TNRC6A: variants seen among roughly 807,000 people sequenced by gnomAD.
TNRC6A encodes the protein trinucleotide repeat-containing gene 6A protein.
Under a neutral mutation model 221.2 loss-of-function variants are expected in TNRC6A, and 44 were observed. That is an observed-to-expected ratio of 0.20 (90% CI 0.16 to 0.26). The LOEUF is 0.26. Among genes scored for constraint, TNRC6A ranks in the 10% least tolerant of loss-of-function variants. The probability of loss-of-function intolerance (pLI) is 1.00; values close to 1 mark genes in which losing one functional copy is unlikely to be tolerated. For missense variants in TNRC6A, 2,199 were observed against 2,404.4 expected (o/e 0.91, Z 1.79); for synonymous variants, 847 against 838.5 (o/e 1.01, Z -0.18).
At chr16:24,676,128 C>A (rs1017609990) in intron 2 of TNRC6A, among the ~76,000 whole-genome samples, 2 of 151,864 alleles carry the variant, frequency 1.3e-5, no homozygotes, top group African/African-American at 4.8e-5. Context: ...TAAAAAGAAT[C>A]AAAAATGATT....
At chr16:24,720,862 C>T (rs1457425215) in intron 2 of TNRC6A, among the ~76,000 whole-genome samples, 2 of 150,690 alleles carry the variant, frequency 1.3e-5, no homozygotes, top group Non-Finnish European at 1.5e-5. Context: ...AGTGAAACCC[C>T]GTCTCTACTA....
Position 24,650,435 on chromosome 16 carries a change from C to T in TNRC6A, n.402+9426C>T, listed in dbSNP as rs191213782. Among the ~76,000 whole-genome samples, 12 of 152,070 alleles carry T rather than the reference C, an allele frequency of 7.9e-5. 1 individual carries two copies. Among genetic ancestry groups the T allele is most frequent in the Admixed American group, 2.6e-4 (4 of 15,258 alleles). On this transcript the variant is annotated intron_variant and non_coding_transcript_variant, in intron 2 of 2. Coordinates refer to the TNRC6A transcript ENST00000566108. Reference sequence around the variant, plus strand: ...ATCCCAGCACTTTGGGAGGCGGAGGCGGGTGGATCACTTGAGGACAGGAGT... The same window carrying T: ...ATCCCAGCACTTTGGGAGGCGGAGGTGGGTGGATCACTTGAGGACAGGAGT...
chr16:24,716,916 C>A (rs1205527551), intron 2 of TNRC6A, among the ~76,000 whole-genome samples: 1 of 139,226 alleles, frequency 7.2e-6, no homozygotes, highest in Non-Finnish European at 1.5e-5. Context: ...AAGATCGTGC[C>A]ACTGCACTCC....
chr16:24,734,507 C>CTA (rs1391477727), intron 2 of TNRC6A, among the ~76,000 whole-genome samples: 3 of 152,146 alleles, frequency 2.0e-5, no homozygotes, highest in Non-Finnish European at 4.4e-5. Context: ...TAGAGCTGGA[C>CTA]TATGACTTTA....
intron 1 of TNRC6A, among the ~76,000 whole-genome samples, chr16:24,634,197 T>G (rs997477468): frequency 2.0e-5 from 3 of 152,050 alleles, no homozygotes; most frequent in Admixed American, 6.6e-5. Context: ...CCCAGCACTT[T>G]GGGAGGTTTG....
intron 3 of TNRC6A, among the ~76,000 whole-genome samples, chr16:24,752,008 A>T (rs755296242): frequency 1.3e-5 from 2 of 152,122 alleles, no homozygotes; most frequent in Non-Finnish European, 2.9e-5. Context: ...GGGGAAAGGG[A>T]GGGAACCAAG....
intron 9 of TNRC6A, among the ~76,000 whole-genome samples, chr16:24,796,599 G>A (rs925586712): frequency 6.6e-6 from 1 of 152,176 alleles, no homozygotes; most frequent in Non-Finnish European, 1.5e-5. Flanking sequence ...GATGGATGGG[G>A]TGAAAGGAAA....
chr16:24,782,598 C>T (rs1271156379), intron 5 of TNRC6A, among the ~76,000 whole-genome samples: 3 of 152,142 alleles, frequency 2.0e-5, no homozygotes, highest in Non-Finnish European at 4.4e-5. Context: ...TGATTTGAGG[C>T]CGGGCGTGGT....
At chr16:24,657,673 C>A (rs2054946218) in intron 2 of TNRC6A, among the ~76,000 whole-genome samples, 1 of 146,902 alleles carries the variant, frequency 6.8e-6, no homozygotes, top group East Asian at 2.0e-4. Flanking sequence ...CGTGCCACTG[C>A]ACTCCAGCTT....
At position 24,804,894 on chromosome 16, in the gene TNRC6A, G is replaced by T. The variant is rs775865000; in HGVS notation, c.3984+43G>T. On this transcript the variant is annotated intron_variant, in intron 13 of 24. Coordinates refer to ENST00000395799, the MANE Select transcript of TNRC6A (RefSeq NM_014494.4). ...TTTTAGGCTCTCAGTTGAATGATTT[G>T]TATTAGTAATAAGATCTCTCTTACA... 4.3e-6 allele frequency: 7 copies of T among 1,613,312 alleles called. No homozygotes were observed. The East Asian group carries it at 1.1e-4, about 26-fold the overall frequency.
In TNRC6A at chr16:24,640,623, G is replaced by T. The variant is rs535245932; in HGVS notation, n.277-261G>T. Among the ~76,000 whole-genome samples, 3 of 151,832 alleles carry T rather than the reference G, an allele frequency of 2.0e-5. No individual in the cohort carries two copies. In the South Asian group the frequency reaches 6.2e-4, roughly 32 times the overall value. On this transcript the variant is annotated intron_variant and non_coding_transcript_variant, in intron 1 of 2. Transcript: ENST00000566108. Reference sequence around the variant, plus strand: ...GCACGCCTTTGGTCCCAGCTACTTGGGAGGCTGTGGCAGGAGGATCGCCTG... The same window carrying T: ...GCACGCCTTTGGTCCCAGCTACTTGTGAGGCTGTGGCAGGAGGATCGCCTG...
At chr16:24,625,982 G>GTACA (rs1900967142) in intron 1 of TNRC6A, among the ~76,000 whole-genome samples, 1 of 152,062 alleles carries the variant, frequency 6.6e-6, no homozygotes, top group Admixed American at 6.6e-5. Flanking sequence ...TAATTTATAT[G>GTACA]GTCTGCACTG....
At chr16:24,655,491 C>A (rs138291697) in intron 2 of TNRC6A, among the ~76,000 whole-genome samples, 2,721 of 152,114 alleles carry the variant, frequency 0.018, 76 homozygotes, top group African/African-American at 0.054. Flanking sequence ...GAGTTCGAGA[C>A]CATCCTGGCC....
chr16:24,789,854 T>G lies in TNRC6A; in HGVS notation c.1212T>G (p.Asn404Lys). Residue 404 changes from asparagine (N) to lysine (K), a missense_variant, in exon 6 of 25, where the codon AAT (asparagine) becomes AAG (lysine). Physicochemically the swap from Asn to Lys is moderately conservative, Grantham distance 94. This residue lies in a region of TNRC6A where 1,405 missense variants were observed against 1,400.2 expected (regional missense o/e 1.00). Coordinates refer to ENST00000395799, the MANE Select transcript of TNRC6A (RefSeq NM_014494.4). ...QCSTIGQMPN[N>K]QSINSKVSGG... ...GTACTATAGGCCAGATGCCTAACAA[T>G]CAGAGTATTAACTCTAAAGTGAGTG... 1 of 1,614,168 alleles carries G rather than the reference T, an allele frequency of 6.2e-7. No individual in the cohort carries two copies. The highest frequency in any genetic ancestry group is 1.3e-5 in the African/African-American group (1 of 75,068).
At chr16:24,792,864 C>T (rs924949057) in intron 6 of TNRC6A, among the ~76,000 whole-genome samples, 1 of 149,570 alleles carries the variant, frequency 6.7e-6, no homozygotes, top group African/African-American at 2.5e-5. Flanking sequence ...TCTCGGTTCA[C>T]TGCAGCCTCC....
intron 2 of TNRC6A, among the ~76,000 whole-genome samples, chr16:24,702,943 G>C (rs1169274891): frequency 5.3e-5 from 8 of 151,548 alleles, no homozygotes; most frequent in Admixed American, 2.6e-4. Flanking sequence ...GCTGAGGCAG[G>C]AGAATGATGT....
At chr16:24,617,173 TGGAGTGC>T (rs1186817653) in intron 1 of TNRC6A, among the ~76,000 whole-genome samples, 3 of 152,020 alleles carry the variant, frequency 2.0e-5, no homozygotes, top group African/African-American at 7.2e-5. Flanking sequence ...TTGCCCAGGC[TGGAGTGC>T]AGTGGTGCAA....
intron 2 of TNRC6A, among the ~76,000 whole-genome samples, chr16:24,688,666 G>A (rs1160455589): frequency 2.6e-5 from 4 of 152,150 alleles, no homozygotes; most frequent in African/African-American, 7.2e-5. Flanking sequence ...CCTTAAGAGC[G>A]AGCCTCAGGA....
intron 2 of TNRC6A, among the ~76,000 whole-genome samples, chr16:24,651,985 G>GACAC (rs1367818787): frequency 6.6e-6 from 1 of 151,206 alleles, no homozygotes; most frequent in Non-Finnish European, 1.5e-5. Context: ...GATAGATAGA[G>GACAC]ACACAGAAAG....
Sources: gnomAD v4.1 joint callset for allele counts (sites outside exome capture counted in the v4.1 genomes callset) on GRCh38, gnomAD v4.1.1 for gene constraint, gnomAD v4.1.1 regional missense constraint, MANE v1.5 for transcripts, NCBI Gene and HGNC (gene_info 2026-07-23, HGNC 2026-07-21) for gene names.